The following HMCN2 variants were observed in gnomAD, a reference collection of about 807,000 sequenced individuals.
HMCN2 encodes hemicentin 2.
Under a neutral mutation model 377.5 loss-of-function variants are expected in HMCN2, and 325 were observed. The observed-to-expected ratio is 0.86, with a 90% CI of 0.79 to 0.94. The LOEUF is 0.94. Ranked by LOEUF, HMCN2 falls within the 40% of genes least tolerant of loss-of-function variation. HMCN2 has a pLI of 0.00. For missense variants in HMCN2, 4,543 were observed against 4,725.3 expected, an observed-to-expected ratio of 0.96 and a Z score of 1.13; for synonymous variants, 2,007 against 2,046.8, an observed-to-expected ratio of 0.98 and a Z score of 0.53.
intron 1 of HMCN2, among the ~76,000 whole-genome samples, chr9:130,281,299 GGCTTCC>G (rs1554925591): frequency 6.6e-6 from 1 of 151,988 alleles, no homozygotes; most frequent in Non-Finnish European, 1.5e-5. Flanking sequence ...TACGTCTCTG[GGCTTCC>G]ACGTTCTCCT....
chr9:130,278,772 G>T (rs1260398261), intron 1 of HMCN2, among the ~76,000 whole-genome samples: 2 of 151,000 alleles, frequency 1.3e-5, no homozygotes, highest in Admixed American at 1.3e-4. Flanking sequence ...GTAGAGACGG[G>T]GTTTCTCCAT....
At chr9:130,356,447 C>G (rs138589759) in intron 34 of HMCN2, among the ~76,000 whole-genome samples, 190 bp downstream of exon 34, 34 of 152,302 alleles carry the variant, frequency 2.2e-4, no homozygotes, top group Non-Finnish European at 4.4e-4. Context: ...TCACACTTAT[C>G]CTCAGTCCTG....
At chr9:130,402,675 G>A in intron 77 of HMCN2, 114 bp from the exon 78 acceptor site, 1 of 521,876 alleles carries the variant, frequency 1.9e-6, no homozygotes. Flanking sequence ...TTTGTAAATG[G>A]GCAAAGGAGG....
At chr9:130,283,254 T>C (rs1029889434) in intron 1 of HMCN2, among the ~76,000 whole-genome samples, 1 of 151,976 alleles carries the variant, frequency 6.6e-6, no homozygotes, top group South Asian at 2.1e-4. Flanking sequence ...GGATCTCCAT[T>C]ACTGCTATTT....
chr9:130,311,978 C>T (rs905100405), intron 15 of HMCN2, among the ~76,000 whole-genome samples: 6 of 152,174 alleles, frequency 3.9e-5, no homozygotes, highest in East Asian at 3.9e-4. Flanking sequence ...CACGAGCCGG[C>T]GCTTCTAGGG....
At chr9:130,388,728 C>T (rs1842147399) in intron 62 of HMCN2, among the ~76,000 whole-genome samples, 188 bp downstream of exon 62, 1 of 146,312 alleles carries the variant, frequency 6.8e-6, no homozygotes, top group African/African-American at 2.5e-5. Flanking sequence ...CCCTTGGAAT[C>T]CAAACATAAA....
chr9:130,408,943 G>C lies in HMCN2; in HGVS notation c.12879+10G>C, dbSNP rs772835461. On this transcript the variant is annotated intron_variant, in intron 84 of 97. Coordinates refer to ENST00000683500, the MANE Select transcript of HMCN2 (RefSeq NM_001291815.2). ...CATCCGCAGGACTGAGGCAAGGCGG[G>C]GCCTGGCACCTTGGGTGGGGCCACT... 4.4e-5 allele frequency: 56 copies of C among 1,285,960 alleles called. No individual in the cohort carries two copies. Among genetic ancestry groups the C allele is most frequent in the Non-Finnish European group, 9.1e-6 (9 of 986,824 alleles). 79.7% of individuals were successfully genotyped at this position (1,285,960 alleles called of 1,614,324 possible).
chr9:130,386,732 AC>A (rs1394760628), intron 61 of HMCN2, among the ~76,000 whole-genome samples: 1 of 152,166 alleles, frequency 6.6e-6, no homozygotes, highest in Non-Finnish European at 1.5e-5. Flanking sequence ...CTGGTTTCGA[AC>A]CCCTGGGCTC....
At chr9:130,363,347 G>A (rs1222466247) in intron 40 of HMCN2, among the ~76,000 whole-genome samples, 1 of 152,148 alleles carries the variant, frequency 6.6e-6, no homozygotes, top group Non-Finnish European at 1.5e-5. Context: ...ACTTTGAGCT[G>A]GTCACTTTGC....
intron 33 of HMCN2, 106 bp from the exon 34 acceptor site, chr9:130,355,982 G>A (rs1264096663): frequency 7.6e-6 from 7 of 919,528 alleles, no homozygotes; most frequent in East Asian, 6.3e-5. Context: ...CTGGAGCCAC[G>A]GCTGGTGAGA....
chr9:130,285,189 G>A lies in HMCN2; in HGVS notation c.362G>A (p.Gly121Glu), dbSNP rs1554927194. The change falls in exon 3 of 98, where the codon GGG becomes GAG. Residue 121 changes from glycine (G) to glutamate (E), a missense_variant. Around this residue, in one of 5 missense-constraint regions of HMCN2, gnomAD observed 547 missense variants for 189.9 expected, o/e 2.88. Coordinates refer to ENST00000683500, the MANE Select transcript of HMCN2 (RefSeq NM_001291815.2). Reference sequence around the variant, plus strand: ...GGTGACTGCCCGGAGATGAGTGTGGGGGCCATTAAGGCTGCCGTGGAGGTT... The same window carrying A: ...GGTGACTGCCCGGAGATGAGTGTGGAGGCCATTAAGGCTGCCGTGGAGGTT... ...GGGDCPEMSVGAIKAAVEVAN... is the reference protein window; with the variant it reads ...GGGDCPEMSVEAIKAAVEVAN... 4 of 471,034 alleles carry A rather than the reference G, an allele frequency of 8.5e-6. No homozygotes were observed. The allele number at this position is 471,034 out of a possible 1,614,324, so 29.2% of individuals were successfully genotyped here. A position where few individuals can be genotyped will look rare whatever the true frequency, so the allele number is the denominator to read the frequency against.
chr9:130,380,877 C>T (rs1265822566), intron 54 of HMCN2, among the ~76,000 whole-genome samples: 1 of 152,050 alleles, frequency 6.6e-6, no homozygotes, highest in African/African-American at 2.4e-5. Flanking sequence ...TTAGAAACCT[C>T]TGGACAGACC....
Position 130,357,950 on chromosome 9 carries a change from G to A in HMCN2, c.5542G>A (p.Asp1848Asn), listed in dbSNP as rs1213438199. ...CACCCCAAGCCTCCGTTGGTGGAAG[G>A]ATGGTGTAGCCCTGGCAGCCTTTGG... Reference protein sequence around the residue: ...VPTPSLRWWKDGVALAAFGGN... With the variant: ...VPTPSLRWWKNGVALAAFGGN... Residue 1848 changes from aspartate to asparagine, a missense_variant, in exon 35 of 98, where the codon GAT becomes AAT. By Grantham distance (23) the Asp-to-Asn change is conservative. Coordinates refer to ENST00000683500, the MANE Select transcript of HMCN2 (RefSeq NM_001291815.2). 7.7e-7 allele frequency: 1 copy of A among 1,304,202 alleles called. No homozygotes were observed. Among genetic ancestry groups the A allele is most frequent in the East Asian group, 5.6e-5 (1 of 18,010 alleles). The allele number at this position is 1,304,202 out of a possible 1,614,324, so 80.8% of individuals were successfully genotyped here.
At chr9:130,319,410 A>G (rs984141662) in intron 15 of HMCN2, 85 bp from the exon 16 acceptor site, 119,367 of 152,330 alleles carry the variant, frequency 0.78, 47,323 homozygotes, top group Non-Finnish European at 0.84. Flanking sequence ...ATAGTACAGG[A>G]GGAGGAGAGG....
rs1379843990 is a variant in HMCN2, at chr9:130,425,927, G to A, written c.13879+3G>A. 6.5e-7 allele frequency: 1 copy of A among 1,544,060 alleles called. No individual in the cohort carries two copies. Among genetic ancestry groups the A allele is most frequent in the Admixed American group, 2.0e-5 (1 of 50,920 alleles). On this transcript the variant is annotated splice_donor_region_variant and intron_variant, in intron 90 of 97. Coordinates refer to ENST00000683500, the MANE Select transcript of HMCN2 (RefSeq NM_001291815.2). Reference sequence around the variant, plus strand: ...GCTCGCTACAGCCCTGCAGGCGGGTGAGGCCCCTCTGCTTTGTTCCACCCC... The same window carrying A: ...GCTCGCTACAGCCCTGCAGGCGGGTAAGGCCCCTCTGCTTTGTTCCACCCC...
chr9:130,377,380 C>T lies in HMCN2; in HGVS notation c.8062-269C>T, dbSNP rs55757253. Among the ~76,000 whole-genome samples the T allele has an allele frequency of 9.1e-3, 1,386 of 152,200 alleles. 6 individuals carry two copies. The highest frequency in any genetic ancestry group is 0.014 in the Non-Finnish European group (964 of 67,998). ...CACCAACCTTGGCCTCCCAAAGTTC[C>T]GGGATTACAGGCCTGGCCACTGCGC... On this transcript the variant is annotated intron_variant, in intron 52 of 97. Transcript: ENST00000683500.
intron 54 of HMCN2, among the ~76,000 whole-genome samples, 199 bp downstream of exon 54, chr9:130,379,666 T>C (rs1287380464): frequency 6.6e-6 from 1 of 152,218 alleles, no homozygotes; most frequent in Non-Finnish European, 1.5e-5. Context: ...CCTCCTATCA[T>C]GGGGCATGCC....
chr9:130,293,670 C>T (rs4260979), intron 4 of HMCN2, among the ~76,000 whole-genome samples: 35,801 of 151,946 alleles, frequency 0.24, 5,032 homozygotes, highest in East Asian at 0.48. Flanking sequence ...TCCTACTGAA[C>T]TCACACAGCC....
Position 130,406,055 on chromosome 9 carries a change from C to T in HMCN2, c.12440C>T (p.Thr4147Ile), listed in dbSNP as rs1245606574. The T allele has an allele frequency of 7.8e-7, 1 of 1,289,890 alleles. No homozygotes were observed. Among genetic ancestry groups the T allele is most frequent in the South Asian group, 1.2e-5 (1 of 81,032 alleles). 79.9% of individuals were successfully genotyped at this position (1,289,890 alleles called of 1,614,324 possible). ...ATCCTGGTACTGCCTGTGTTCACCA[C>T]CCTGCCTGGGGACCGCAGCCTGCGC... is the stretch of plus-strand genomic sequence containing the variant. ...LTILVLPVFT[T>I]LPGDRSLRLG... is the part of the protein sequence containing the mutation. Residue 4147 changes from threonine (T) to isoleucine (I), a missense_variant, in exon 82 of 98, where the codon ACC becomes ATC. Thr to Ile is a moderately conservative substitution (Grantham distance 89). This residue lies in a region of HMCN2 where 1,073 missense variants were observed against 1,319.5 expected (regional missense o/e 0.81). Coordinates refer to ENST00000683500, the MANE Select transcript of HMCN2 (RefSeq NM_001291815.2).
Sources: gnomAD v4.1 joint callset for allele counts (sites outside exome capture counted in the v4.1 genomes callset) on GRCh38, gnomAD v4.1.1 for gene constraint, gnomAD v4.1.1 regional missense constraint, MANE v1.5 for transcripts, NCBI Gene and HGNC (gene_info 2026-07-23, HGNC 2026-07-21) for gene names.